RORA: variants seen among roughly 807,000 people sequenced by gnomAD.
RORA encodes the protein RAR related orphan receptor A.
RORA carries 7 observed loss-of-function variants against 69.5 expected under a neutral mutation model. The ratio of observed to expected loss-of-function variants is 0.10; its 90% CI spans 0.06 to 0.19. RORA has a LOEUF of 0.19. Among genes scored for constraint, RORA ranks in the 10% least tolerant of loss-of-function variants. The pLI, the probability that RORA is intolerant of heterozygous loss-of-function variation, is 1.00. For synonymous variants in RORA, 261 were observed against 240.8 expected (o/e 1.08, Z -0.78); for missense variants, 457 against 663.0 (o/e 0.69, Z 3.41).
chr15:60,586,041 C>G (rs761868355), intron 2 of RORA, among the ~76,000 whole-genome samples: 46 of 152,122 alleles, frequency 3.0e-4, no homozygotes, highest in Non-Finnish European at 5.9e-4. Flanking sequence ...TCTAATGTTC[C>G]TTTAATTATT....
chr15:60,666,346 C>CTTTTTT (rs1161494532), intron 2 of RORA, among the ~76,000 whole-genome samples: 3 of 132,436 alleles, frequency 2.3e-5, no homozygotes, highest in African/African-American at 8.4e-5. Flanking sequence ...TAATTTCTTT[C>CTTTTTT]TTTTTTTTTT....
intron 8 of RORA, among the ~76,000 whole-genome samples, chr15:60,501,411 T>G (rs1342696973): frequency 1.3e-5 from 2 of 152,190 alleles, no homozygotes; most frequent in African/African-American, 2.4e-5. Flanking sequence ...TTCTTTGGGT[T>G]TCTTCTTATT....
intron 1 of RORA, among the ~76,000 whole-genome samples, chr15:60,998,682 A>G (rs542856601): frequency 3.3e-5 from 5 of 151,314 alleles, no homozygotes; most frequent in Admixed American, 6.6e-5. Context: ...TACAGGCGTG[A>G]GCCACCGCAC....
At chr15:61,095,887 G>A (rs1442475794) in intron 1 of RORA, among the ~76,000 whole-genome samples, 2 of 152,148 alleles carry the variant, frequency 1.3e-5, no homozygotes, top group East Asian at 3.9e-4. Context: ...TTCCAAACTG[G>A]CCCATCTTTT....
chr15:60,680,816 T>C (rs949938627), intron 1 of RORA, among the ~76,000 whole-genome samples: 2 of 152,222 alleles, frequency 1.3e-5, no homozygotes, highest in Non-Finnish European at 2.9e-5. Flanking sequence ...ATGTAAATTA[T>C]ATTTATTATA....
chr15:61,209,648 T>C (rs1457519657), intron 1 of RORA, among the ~76,000 whole-genome samples: 2 of 152,154 alleles, frequency 1.3e-5, no homozygotes, highest in Admixed American at 6.5e-5. Flanking sequence ...AGCCACCCAG[T>C]TGATGGTGTT....
intron 1 of RORA, among the ~76,000 whole-genome samples, chr15:61,071,557 AAGGGGAGGGGTAGGGAGGGGAG>A (rs2078359206): frequency 6.9e-5 from 1 of 14,536 alleles, no homozygotes; most frequent in Admixed American, 7.0e-4. Context: ...GGGGAGGGGA[AAGGGGAGGGGTAGGGAGGGGAG>A]AGGGGAGGGG....
At chr15:60,944,814 G>A (rs909129966) in intron 1 of RORA, among the ~76,000 whole-genome samples, 33 of 151,868 alleles carry the variant, frequency 2.2e-4, no homozygotes, top group African/African-American at 7.7e-4. Flanking sequence ...AAAAATGTCA[G>A]CAACAAGAGT....
intron 1 of RORA, among the ~76,000 whole-genome samples, chr15:60,922,776 T>A (rs1018228706): frequency 3.3e-5 from 5 of 152,236 alleles, no homozygotes; most frequent in Non-Finnish European, 7.3e-5. Flanking sequence ...ACCCAGAGTT[T>A]CTGTCTGTAA....
At chr15:60,502,375 T>A (rs1307747527) in intron 8 of RORA, among the ~76,000 whole-genome samples, 1 of 152,162 alleles carries the variant, frequency 6.6e-6, no homozygotes, top group South Asian at 2.1e-4. Context: ...ATGGTTACTG[T>A]TTGAGGGGGA....
intron 1 of RORA, among the ~76,000 whole-genome samples, chr15:61,066,551 C>T (rs2078262391): frequency 6.6e-6 from 1 of 151,320 alleles, no homozygotes; most frequent in Admixed American, 6.6e-5. Flanking sequence ...CTCAGCTTCC[C>T]GAGTAGCTGG....
At chr15:60,758,756 G>A (rs929169630) in intron 1 of RORA, among the ~76,000 whole-genome samples, 2 of 152,130 alleles carry the variant, frequency 1.3e-5, no homozygotes, top group African/African-American at 4.8e-5. Flanking sequence ...GAAATTCCCT[G>A]CAAAGTCATC....
chr15:60,913,541 A>C (rs1395017343), intron 1 of RORA, among the ~76,000 whole-genome samples: 1 of 152,204 alleles, frequency 6.6e-6, no homozygotes, highest in Non-Finnish European at 1.5e-5. Flanking sequence ...CCTTTATCTC[A>C]GGGCACCAAA....
At chr15:60,611,609 G>T in intron 2 of RORA, among the ~76,000 whole-genome samples, 1 of 105,574 alleles carries the variant, frequency 9.5e-6, no homozygotes, top group African/African-American at 3.9e-5. Context: ...TTCTTTGCAC[G>T]AGGAGTCTAG....
intron 1 of RORA, among the ~76,000 whole-genome samples, chr15:60,826,663 T>TC (rs1555456313): frequency 5.3e-5 from 8 of 150,962 alleles, no homozygotes; most frequent in South Asian, 2.1e-4. Context: ...TTTTTTTTTT[T>TC]CCCATGGAGG....
intron 1 of RORA, among the ~76,000 whole-genome samples, chr15:60,863,576 T>C (rs995748120): frequency 2.0e-5 from 3 of 152,226 alleles, no homozygotes; most frequent in African/African-American, 7.2e-5. Context: ...TTTTTTGTTT[T>C]GGCTTTAGAA....
At chr15:60,499,323 G>A (rs1287532184) in intron 10 of RORA, among the ~76,000 whole-genome samples, 2 of 152,156 alleles carry the variant, frequency 1.3e-5, no homozygotes, top group Non-Finnish European at 2.9e-5. Flanking sequence ...CTTGAGGCCA[G>A]GAGTTCGAGA....
At chr15:61,085,043 C>A (rs1023749095) in intron 1 of RORA, among the ~76,000 whole-genome samples, 1 of 152,074 alleles carries the variant, frequency 6.6e-6, no homozygotes, top group African/African-American at 2.4e-5. Context: ...CTCACTCCCT[C>A]CCCCCTTGTT....
chr15:60,789,436 C>T (rs998443285), intron 1 of RORA, among the ~76,000 whole-genome samples: 1 of 152,232 alleles, frequency 6.6e-6, no homozygotes, highest in African/African-American at 2.4e-5. Context: ...CAAACTCAAG[C>T]ACCACCTCTT....
Sources: allele counts gnomAD v4.1 joint callset (sites outside exome capture counted in the v4.1 genomes callset), GRCh38; gene constraint gnomAD v4.1.1; transcripts MANE v1.5; gene names NCBI Gene and HGNC (gene_info 2026-07-23, HGNC 2026-07-21).